MARK1: variants seen among roughly 807,000 people sequenced by gnomAD.
MARK1 encodes the protein serine/threonine-protein kinase MARK1.
Under a neutral mutation model 96.3 loss-of-function variants are expected in MARK1, and 40 were observed. The ratio of observed to expected loss-of-function variants is 0.42; its 90% CI spans 0.32 to 0.54. The LOEUF (loss-of-function observed/expected upper bound fraction) is 0.54, where lower values mean the gene tolerates loss of function less well. Ranked by LOEUF, MARK1 falls within the 20% of genes least tolerant of loss-of-function variation. MARK1 has a pLI of 0.16. For synonymous variants in MARK1, 317 were observed against 341.2 expected (o/e 0.93, Z 0.78); for missense variants, 719 against 984.6 (o/e 0.73, Z 3.61).
At chr1:220,647,848 C>T (rs1668664004) in intron 13 of MARK1, among the ~76,000 whole-genome samples, 1 of 152,004 alleles carries the variant, frequency 6.6e-6, no homozygotes, top group Admixed American at 6.6e-5. Context: ...ATAATGAGAA[C>T]ACATGGACAC....
chr1:220,602,007 T>C (rs904678329), intron 5 of MARK1, among the ~76,000 whole-genome samples: 1 of 152,228 alleles, frequency 6.6e-6, no homozygotes, highest in Non-Finnish European at 1.5e-5. Flanking sequence ...AAATCTAGAA[T>C]GATTTTCTTG....
In MARK1 at chr1:220,663,315, T is replaced by C. The variant is rs1046752764; in HGVS notation, c.*1149T>C. ...ATGTAACTCGTTTGTTTTAAATATT[T>C]TGCCAGATTTCTTGTATTTATTCCA... On this transcript the variant is annotated 3_prime_UTR_variant, in exon 18 of 18. Coordinates refer to ENST00000366917, the MANE Select transcript of MARK1 (RefSeq NM_018650.5). 1 of 152,592 alleles carries C rather than the reference T, an allele frequency of 6.6e-6. No homozygotes were observed. The highest frequency in any genetic ancestry group is 2.4e-5 in the African/African-American group (1 of 41,454). 9.5% of individuals were successfully genotyped at this position (152,592 alleles called of 1,614,324 possible).
At chr1:220,581,701 A>T (rs1664251676) in intron 3 of MARK1, among the ~76,000 whole-genome samples, 1 of 152,204 alleles carries the variant, frequency 6.6e-6, no homozygotes. Flanking sequence ...AGTCTTTCAG[A>T]TAACTCACAG....
At chr1:220,613,878 G>T (rs1275943061) in intron 6 of MARK1, among the ~76,000 whole-genome samples, 5 of 152,118 alleles carry the variant, frequency 3.3e-5, no homozygotes, top group Non-Finnish European at 5.9e-5. Context: ...TCATGACTTT[G>T]ACCAACCTAT....
At chr1:220,569,990 C>G (rs1663328470) in intron 1 of MARK1, among the ~76,000 whole-genome samples, 1 of 151,976 alleles carries the variant, frequency 6.6e-6, no homozygotes, top group Non-Finnish European at 1.5e-5. Flanking sequence ...TGTAAAGATT[C>G]AGAAAGTGTA....
chr1:220,575,795 C>T (rs1324474110), intron 1 of MARK1, among the ~76,000 whole-genome samples: 1 of 151,036 alleles, frequency 6.6e-6, no homozygotes, highest in African/African-American at 2.4e-5. Context: ...AACCTGTATC[C>T]CAAAATGTGA....
chr1:220,577,390 T>G (rs1016133082), intron 1 of MARK1, among the ~76,000 whole-genome samples: 3 of 152,242 alleles, frequency 2.0e-5, no homozygotes, highest in Non-Finnish European at 4.4e-5. Flanking sequence ...TCTTAGAAAT[T>G]AAGTACTATA....
chr1:220,548,711 G>A (rs1394049161), intron 1 of MARK1, among the ~76,000 whole-genome samples: 1 of 152,058 alleles, frequency 6.6e-6, no homozygotes, highest in Non-Finnish European at 1.5e-5. Flanking sequence ...AGCCGAGATT[G>A]TGCCACTGCA....
chr1:220,580,365 CTACTTGGG>C (rs1664151225), intron 2 of MARK1, among the ~76,000 whole-genome samples: 2 of 151,778 alleles, frequency 1.3e-5, no homozygotes, highest in South Asian at 4.2e-4. Flanking sequence ...GCAACTGTAG[CTACTTGGG>C]AGCTTGAGGT....
At chr1:220,531,764 A>G (rs1472406337) in intron 1 of MARK1, among the ~76,000 whole-genome samples, 1 of 152,194 alleles carries the variant, frequency 6.6e-6, no homozygotes, top group Non-Finnish European at 1.5e-5. Context: ...GCTAAATACA[A>G]CAGGACAACC....
chr1:220,635,357 G>A lies in MARK1; in HGVS notation c.1123-19G>A. The A allele has an allele frequency of 6.8e-7, 1 of 1,475,346 alleles. No homozygotes were observed. The highest frequency in any genetic ancestry group is 9.0e-7 in the Non-Finnish European group (1 of 1,113,166). The allele number at this position is 1,475,346 out of a possible 1,614,324, so 91.4% of individuals were successfully genotyped here. A position where few individuals can be genotyped will look rare whatever the true frequency, so the allele number is the denominator to read the frequency against. On this transcript the variant is annotated intron_variant, in intron 11 of 17. Transcript: ENST00000366917. ...TTTTTTTTTTTGCTTTAAAATCCCT[G>A]TGGTTTTTCTTCTTATAGTTTGAAG... is the stretch of plus-strand genomic sequence containing the variant.
intron 1 of MARK1, among the ~76,000 whole-genome samples, chr1:220,566,368 A>C (rs2102794158): frequency 6.6e-6 from 1 of 152,336 alleles, no homozygotes; most frequent in African/African-American, 2.4e-5. Flanking sequence ...CTATTAATAA[A>C]GAATAATACT....
intron 5 of MARK1, among the ~76,000 whole-genome samples, chr1:220,600,615 TTAATAAG>T (rs1665673179): frequency 6.6e-6 from 1 of 152,184 alleles, no homozygotes; most frequent in South Asian, 2.1e-4. Flanking sequence ...AATTAATCAT[TTAATAAG>T]TAAAAATAAA....
intron 11 of MARK1, among the ~76,000 whole-genome samples, chr1:220,633,749 C>A (rs1438913260): frequency 2.6e-5 from 4 of 152,180 alleles, no homozygotes; most frequent in Non-Finnish European, 5.9e-5. Flanking sequence ...GATAAGAGCC[C>A]ATGAGATTTC....
chr1:220,623,223 G>C (rs934793688), intron 9 of MARK1, among the ~76,000 whole-genome samples: 3 of 152,034 alleles, frequency 2.0e-5, no homozygotes, highest in Non-Finnish European at 4.4e-5. Flanking sequence ...CTGTCACCCA[G>C]TACCTCCATT....
rs774098418 is a variant in MARK1, at chr1:220,586,007, A to ACGCGCGCG, written c.309+4890_309+4891insGCGCGCGC. Among the ~76,000 whole-genome samples the ACGCGCGCG allele has an allele frequency of 1.0e-2, 617 of 61,786 alleles. 3 individuals are homozygous for ACGCGCGCG. Among genetic ancestry groups the ACGCGCGCG allele is most frequent in the African/African-American group, 0.021 (592 of 28,514 alleles). 40.5% of individuals were successfully genotyped at this position (61,786 alleles called of 152,430 possible). On this transcript the variant is annotated intron_variant, in intron 3 of 17. Coordinates refer to ENST00000366917, the MANE Select transcript of MARK1 (RefSeq NM_018650.5). ...TATACACACACACACACACACACACACACACGCGCGCGTGCGCAGAGAGAG... is the reference window on the plus strand; with the variant it reads ...TATACACACACACACACACACACACACGCGCGCGCACACGCGCGCGTGCGCAGAGAGAG...
At chr1:220,588,228 A>G (rs1439839685) in intron 3 of MARK1, among the ~76,000 whole-genome samples, 1 of 152,180 alleles carries the variant, frequency 6.6e-6, no homozygotes, top group Non-Finnish European at 1.5e-5. Context: ...AATTACTTTT[A>G]CTGAGCACCA....
chr1:220,587,354 T>C (rs2102866662), intron 3 of MARK1, among the ~76,000 whole-genome samples: 1 of 137,014 alleles, frequency 7.3e-6, no homozygotes, highest in African/African-American at 2.6e-5. Flanking sequence ...TCTCTCTCTG[T>C]CTCTCTCTCT....
At chr1:220,562,264 A>AC (rs1272225670) in intron 1 of MARK1, among the ~76,000 whole-genome samples, 2 of 152,146 alleles carry the variant, frequency 1.3e-5, no homozygotes, top group Non-Finnish European at 1.5e-5. Flanking sequence ...CAGGAGTTTG[A>AC]CACCAGCCTG....
Sources: allele counts gnomAD v4.1 joint callset (sites outside exome capture counted in the v4.1 genomes callset), GRCh38; gene constraint gnomAD v4.1.1; transcripts MANE v1.5; gene names NCBI Gene and HGNC (gene_info 2026-07-23, HGNC 2026-07-21).